PSMD7: variants seen among roughly 807,000 people sequenced by gnomAD.
PSMD7 encodes proteasome 26S subunit, non-ATPase 7, also known as 26S proteasome non-ATPase regulatory subunit 7.
In PSMD7, 13 loss-of-function variants were observed where a neutral mutation model predicts 36.4. The observed-to-expected ratio is 0.36, with a 90% CI of 0.23 to 0.57. PSMD7 has a LOEUF of 0.57. Among genes scored for constraint, PSMD7 ranks in the 20% least tolerant of loss-of-function variants. The pLI is 0.83. For synonymous variants in PSMD7, 186 were observed against 151.0 expected (o/e 1.23, Z -1.70); for missense variants, 298 against 393.6 (o/e 0.76, Z 2.06).
intron 5 of PSMD7, among the ~76,000 whole-genome samples, chr16:74,303,036 G>A (rs1300125189): frequency 6.6e-6 from 1 of 152,090 alleles, no homozygotes; most frequent in Non-Finnish European, 1.5e-5. Context: ...TTTTTCTCCT[G>A]CCTCTTTAGA....
intron 2 of PSMD7, 119 bp from the exon 3 acceptor site, chr16:74,300,933 A>C (rs2034150515): frequency 1.9e-6 from 1 of 521,230 alleles, no homozygotes; most frequent in African/African-American, 2.0e-5. Context: ...ATTTTTTAAT[A>C]CTTTGCTGGG....
intron 1 of PSMD7, chr16:74,299,466 A>C (rs1390709318): frequency 2.4e-6 from 1 of 408,202 alleles, no homozygotes; most frequent in African/African-American, 2.1e-5. Context: ...CTCAAACTCG[A>C]CCTTCTGAGC....
In PSMD7 at chr16:74,302,276, T is replaced by C; in HGVS notation, c.422T>C (p.Val141Ala). 1.2e-6 allele frequency: 2 copies of C among 1,613,830 alleles called. No homozygotes were observed. Among genetic ancestry groups the C allele is most frequent in the South Asian group, 1.1e-5 (1 of 91,026 alleles). The change falls in exon 5 of 7, where the codon GTG (valine) becomes GCG (alanine). Residue 141 changes from valine (V) to alanine (A), a missense_variant. Val to Ala is a moderately conservative substitution (Grantham distance 64, BLOSUM62 0). Coordinates refer to ENST00000219313, the MANE Select transcript of PSMD7 (RefSeq NM_002811.5). ...LGLPTEAYISVEEVHDDGTPT... is the reference protein window; with the variant it reads ...LGLPTEAYISAEEVHDDGTPT... ...CTGCCTACAGAAGCGTACATTTCAG[T>C]GGAAGAAGTCCATGATGTAAGTCAT...
At position 74,305,563 on chromosome 16, in the gene PSMD7, G is replaced by A. The variant is rs759538218; in HGVS notation, c.805G>A (p.Val269Met). ...GTACTTGGCCTCGCTGATCCGTTCC[G>A]TGGTCGCCCTGCACAACCTCATCAA... ...VVYLASLIRS[V>M]VALHNLINNK... Residue 269 changes from valine to methionine, a missense_variant, in exon 7 of 7, where the codon GTG becomes ATG. Val to Met is a conservative substitution (Grantham distance 21). Coordinates refer to ENST00000219313, the MANE Select transcript of PSMD7 (RefSeq NM_002811.5). 1.1e-5 allele frequency: 18 copies of A among 1,612,422 alleles called. No homozygotes were observed. The highest frequency in any genetic ancestry group is 2.2e-5 in the East Asian group (1 of 44,860).
intron 5 of PSMD7, 74 bp from the exon 6 acceptor site, chr16:74,304,229 T>C: frequency 2.2e-6 from 3 of 1,335,138 alleles, no homozygotes; most frequent in Non-Finnish European, 3.2e-6. Context: ...AGCAAAAGAC[T>C]CAGGGTGCGA....
intron 2 of PSMD7, 26 bp downstream of exon 2, chr16:74,300,232 C>G (rs201889064): frequency 6.3e-7 from 1 of 1,576,914 alleles, no homozygotes; most frequent in Non-Finnish European, 8.7e-7. Flanking sequence ...TATGTTTTTC[C>G]GAGCATGATT....
At chr16:74,305,149 C>T in intron 6 of PSMD7, 140 bp from the exon 7 acceptor site, 1 of 1,086,374 alleles carries the variant, frequency 9.2e-7, no homozygotes, top group Non-Finnish European at 1.2e-6. Context: ...AAATCTTTAT[C>T]AAATGGGGAA....
chr16:74,304,195 C>CA (rs2034178033), intron 5 of PSMD7, 108 bp from the exon 6 acceptor site: 2 of 909,186 alleles, frequency 2.2e-6, no homozygotes, highest in Admixed American at 3.7e-5. Context: ...CTCAGTCATG[C>CA]ACTCATTAAA....
chr16:74,299,848 A>C, intron 1 of PSMD7: 1 of 521,086 alleles, frequency 1.9e-6, no homozygotes, highest in Non-Finnish European at 3.4e-6. Flanking sequence ...TTCATTTTAA[A>C]TTTCTGTGAA....
At chr16:74,301,438 AT>A in intron 3 of PSMD7, 116 bp from the exon 4 acceptor site, 1 of 736,188 alleles carries the variant, frequency 1.4e-6, no homozygotes, top group African/African-American at 1.8e-5. Flanking sequence ...CAGGGTAAAT[AT>A]GTCTGGAATT....
chr16:74,302,735 C>A (rs1431069627), intron 5 of PSMD7, among the ~76,000 whole-genome samples: 1 of 152,202 alleles, frequency 6.6e-6, no homozygotes, highest in African/African-American at 2.4e-5. Flanking sequence ...AGTTGAGACG[C>A]TGTCCCCCAA....
Position 74,305,557 on chromosome 16 carries a change from C to T in PSMD7, c.799C>T (p.Arg267Cys). ...MVVVYLASLIRSVVALHNLIN... is the reference protein window; with the variant it reads ...MVVVYLASLICSVVALHNLIN... ...GGTAGTGTACTTGGCCTCGCTGATC[C>T]GTTCCGTGGTCGCCCTGCACAACCT... Residue 267 changes from arginine (R) to cysteine (C), a missense_variant, in exon 7 of 7, where the codon CGT (arginine) becomes TGT (cysteine). By Grantham distance (180) the Arg-to-Cys change is radical. Transcript: ENST00000219313. 1.2e-6 allele frequency: 2 copies of T among 1,612,874 alleles called. No individual in the cohort carries two copies. The highest frequency in any genetic ancestry group is 1.7e-6 in the Non-Finnish European group (2 of 1,178,978).
At chr16:74,297,401 G>C (rs903804290) in intron 1 of PSMD7, among the ~76,000 whole-genome samples, 23 of 152,008 alleles carry the variant, frequency 1.5e-4, no homozygotes, top group African/African-American at 5.3e-4. Flanking sequence ...GATAAAGCCA[G>C]GGTGGGGCGG....
At chr16:74,303,184 C>T (rs961548855) in intron 5 of PSMD7, among the ~76,000 whole-genome samples, 3 of 152,138 alleles carry the variant, frequency 2.0e-5, no homozygotes, top group Non-Finnish European at 2.9e-5. Context: ...CCAAGAAATC[C>T]CACAACACTG....
chr16:74,300,258 C>A, intron 2 of PSMD7, 52 bp downstream of exon 2: 1 of 1,502,038 alleles, frequency 6.7e-7, no homozygotes, highest in Non-Finnish European at 9.3e-7. Context: ...GTCAGTTTAC[C>A]CTTTAAAAAT....
chr16:74,297,195 G>A (rs973119818), intron 1 of PSMD7, among the ~76,000 whole-genome samples: 3 of 152,242 alleles, frequency 2.0e-5, no homozygotes, highest in Non-Finnish European at 2.9e-5. Flanking sequence ...GCCACTTCGG[G>A]GCCTTGGCTG....
intron 1 of PSMD7, among the ~76,000 whole-genome samples, chr16:74,298,107 G>A (rs998836577): frequency 2.8e-5 from 4 of 143,124 alleles, no homozygotes; most frequent in African/African-American, 1.0e-4. Context: ...GTCGTGAGCT[G>A]AGATCATGCC....
chr16:74,303,053 A>T (rs559997621), intron 5 of PSMD7, among the ~76,000 whole-genome samples: 2 of 152,284 alleles, frequency 1.3e-5, no homozygotes, highest in South Asian at 4.1e-4. Context: ...TAGAAAAGGA[A>T]TTGAGGTTGC....
At chr16:74,298,832 C>T (rs2034134389) in intron 1 of PSMD7, among the ~76,000 whole-genome samples, 1 of 152,138 alleles carries the variant, frequency 6.6e-6, no homozygotes, top group Non-Finnish European at 1.5e-5. Context: ...GAAGATCACA[C>T]CACTGGACTC....
Sources: gnomAD v4.1 joint callset for allele counts (sites outside exome capture counted in the v4.1 genomes callset) on GRCh38, gnomAD v4.1.1 for gene constraint, MANE v1.5 for transcripts, NCBI Gene and HGNC (gene_info 2026-07-23, HGNC 2026-07-21) for gene names.